Variants in SUV39H2 observed in about 807,000 individuals in gnomAD.
The protein encoded by SUV39H2 is SUV39H2 histone lysine methyltransferase.
A neutral mutation model predicts 47.5 loss-of-function variants in SUV39H2; 10 were observed. The observed-to-expected ratio is 0.21, with a 90% CI of 0.13 to 0.36. The LOEUF (loss-of-function observed/expected upper bound fraction) is 0.36, where lower values mean the gene tolerates loss of function less well. SUV39H2 is among the 10% of genes least tolerant of loss of function. The probability of loss-of-function intolerance (pLI) is 1.00; values close to 1 mark genes in which losing one functional copy is unlikely to be tolerated. For synonymous variants in SUV39H2, 159 were observed against 166.8 expected (o/e 0.95, Z 0.36); for missense variants, 266 against 487.4 (o/e 0.55, Z 4.28).
intron 2 of SUV39H2, among the ~76,000 whole-genome samples, chr10:14,892,950 G>A (rs1286348562): frequency 6.7e-6 from 1 of 149,686 alleles, no homozygotes; most frequent in African/African-American, 2.5e-5. Flanking sequence ...CTCCCAAGTA[G>A]CTGGGATTAC....
intron 2 of SUV39H2, 122 bp from the exon 3 acceptor site, chr10:14,896,724 G>C: frequency 1.3e-6 from 1 of 744,520 alleles, no homozygotes. Context: ...GTGACTACAT[G>C]TTCTGAACTG....
At chr10:14,888,607 A>G (rs1348099030) in intron 2 of SUV39H2, among the ~76,000 whole-genome samples, 2 of 151,186 alleles carry the variant, frequency 1.3e-5, no homozygotes, top group Non-Finnish European at 3.0e-5. Context: ...CTGCACTCCA[A>G]CCTGGTGACA....
At chr10:14,895,220 A>C (rs1230314511) in intron 2 of SUV39H2, among the ~76,000 whole-genome samples, 5 of 149,008 alleles carry the variant, frequency 3.4e-5, no homozygotes, top group African/African-American at 9.9e-5. Context: ...TCTTTTGCCC[A>C]GGCTGGAGTG....
intron 3 of SUV39H2, chr10:14,898,969 CT>C (rs1833797171): frequency 2.1e-6 from 1 of 468,048 alleles, no homozygotes; most frequent in Admixed American, 3.6e-5. Context: ...AGTTGTATAG[CT>C]TTTTGAACAT....
intron 2 of SUV39H2, among the ~76,000 whole-genome samples, chr10:14,885,325 A>G (rs1833172201): frequency 6.6e-6 from 1 of 152,216 alleles, no homozygotes; most frequent in African/African-American, 2.4e-5. Flanking sequence ...TAACAGAAAC[A>G]TAATTCTCCC....
At chr10:14,889,902 A>G (rs922439708) in intron 2 of SUV39H2, among the ~76,000 whole-genome samples, 12 of 152,216 alleles carry the variant, frequency 7.9e-5, no homozygotes, top group African/African-American at 2.7e-4. Flanking sequence ...TTCATACAGA[A>G]TAATTTCTGA....
chr10:14,879,262 C>A (rs1303296257), intron 1 of SUV39H2: 1 of 448,170 alleles, frequency 2.2e-6, no homozygotes, highest in Non-Finnish European at 3.3e-6. Context: ...GGTTGGAGGT[C>A]CGGGGGGCAC....
At chr10:14,893,090 C>T (rs536551994) in intron 2 of SUV39H2, among the ~76,000 whole-genome samples, 2 of 149,936 alleles carry the variant, frequency 1.3e-5, no homozygotes, top group East Asian at 3.9e-4. Flanking sequence ...GCAGGCTCCG[C>T]CCCCTGGGGT....
At chr10:14,891,575 G>A (rs1833391006) in intron 2 of SUV39H2, among the ~76,000 whole-genome samples, 1 of 152,098 alleles carries the variant, frequency 6.6e-6, no homozygotes, top group Admixed American at 6.6e-5. Context: ...AAGAATTGTG[G>A]GCCTGAAGTA....
intron 1 of SUV39H2, among the ~76,000 whole-genome samples, chr10:14,881,080 T>TA (rs1445237594): frequency 4.6e-5 from 7 of 152,204 alleles, no homozygotes; most frequent in African/African-American, 7.2e-5. Flanking sequence ...TTAAAGTATA[T>TA]TTTAGATATG....
intron 2 of SUV39H2, among the ~76,000 whole-genome samples, chr10:14,885,493 G>A (rs932939776): frequency 3.9e-5 from 6 of 152,080 alleles, no homozygotes; most frequent in Admixed American, 6.5e-5. Context: ...AGTTACTTAC[G>A]GGTCTGTGCT....
chr10:14,901,348 C>G (rs1284315657), intron 5 of SUV39H2, 86 bp downstream of exon 5: 3 of 1,546,406 alleles, frequency 1.9e-6, no homozygotes, highest in Middle Eastern at 1.8e-4. Context: ...GATATTTGAA[C>G]CAAACCTAAT....
chr10:14,886,824 G>C (rs1564335863), intron 2 of SUV39H2, among the ~76,000 whole-genome samples: 1 of 152,012 alleles, frequency 6.6e-6, no homozygotes, highest in Non-Finnish European at 1.5e-5. Context: ...AAAGTGCTGT[G>C]GCAAACATCG....
chr10:14,891,455 AT>A (rs1833386770), intron 2 of SUV39H2, among the ~76,000 whole-genome samples: 1 of 152,146 alleles, frequency 6.6e-6, no homozygotes, highest in Non-Finnish European at 1.5e-5. Flanking sequence ...GGTTTTGTGG[AT>A]TTTTTGTTTT....
chr10:14,893,468 G>A (rs1432587624), intron 2 of SUV39H2, among the ~76,000 whole-genome samples: 1 of 152,118 alleles, frequency 6.6e-6, no homozygotes, highest in African/African-American at 2.4e-5. Flanking sequence ...TTGCCACTGG[G>A]ATTCCATTTC....
intron 2 of SUV39H2, among the ~76,000 whole-genome samples, chr10:14,884,210 G>A (rs1833135811): frequency 6.6e-6 from 1 of 152,126 alleles, no homozygotes; most frequent in Admixed American, 6.5e-5. Flanking sequence ...GGAATTGCTG[G>A]GTCATATGGT....
intron 2 of SUV39H2, among the ~76,000 whole-genome samples, chr10:14,882,133 A>G (rs1182353320): frequency 3.3e-5 from 5 of 152,206 alleles, no homozygotes; most frequent in African/African-American, 1.2e-4. Context: ...TTTGTTTAGT[A>G]CCTTAGGACT....
intron 2 of SUV39H2, among the ~76,000 whole-genome samples, chr10:14,883,844 G>T (rs889489067): frequency 1.4e-4 from 21 of 151,624 alleles, no homozygotes; most frequent in African/African-American, 4.6e-4. Context: ...GACTTCCTCA[G>T]TTACCCTTCT....
rs1337524543 is a variant in SUV39H2 at position 14,881,699 on chromosome 10, G to A, written c.177+54G>A. 6.1e-6 allele frequency: 8 copies of A among 1,301,016 alleles called. No individual in the cohort carries two copies. The Admixed American group carries it at 9.0e-5, about 15-fold the overall frequency. 80.6% of individuals were successfully genotyped at this position (1,301,016 alleles called of 1,614,324 possible). On this transcript the variant is annotated intron_variant, in intron 2 of 5. Coordinates refer to ENST00000354919, the MANE Select transcript of SUV39H2 (RefSeq NM_001193424.2). ...AGACCTAATCAGACTTCAGTATTTC[G>A]TATTTCTGTAACATAAAAAGAACAT...
Sources: allele counts gnomAD v4.1 joint callset (sites outside exome capture counted in the v4.1 genomes callset), GRCh38; gene constraint gnomAD v4.1.1; transcripts MANE v1.5; gene names NCBI Gene and HGNC (gene_info 2026-07-23, HGNC 2026-07-21).